Variants in TIE1 observed in about 807,000 individuals in gnomAD.
TIE1 encodes tyrosine kinase with immunoglobulin like and EGF like domains 1.
Under a neutral mutation model 130.5 loss-of-function variants are expected in TIE1, and 89 were observed. The ratio of observed to expected loss-of-function variants is 0.68; its 90% CI spans 0.57 to 0.81. The LOEUF is 0.81. Among genes scored for constraint, TIE1 ranks in the 40% least tolerant of loss-of-function variants. The probability of loss-of-function intolerance (pLI) is 0.00; values close to 1 mark genes in which losing one functional copy is unlikely to be tolerated. For synonymous variants in TIE1, 568 were observed against 629.4 expected (o/e 0.90, Z 1.46); for missense variants, 1,392 against 1,559.8 (o/e 0.89, Z 1.81).
chr1:43,321,785 C>A lies in TIE1; in HGVS notation c.3345+70C>A, dbSNP rs1646923454. 10 of 1,435,540 alleles carry A rather than the reference C, an allele frequency of 7.0e-6. No homozygotes were observed. The South Asian group carries it at 1.1e-4, about 16-fold the overall frequency. 88.9% of individuals were successfully genotyped at this position (1,435,540 alleles called of 1,614,324 possible). A position where few individuals can be genotyped will look rare whatever the true frequency, so the allele number is the denominator to read the frequency against. On this transcript the variant is annotated intron_variant, in intron 22 of 22. Transcript: ENST00000372476. The stretch of plus-strand genomic sequence containing the variant: ...CTCCAGAGTGCCCTCTCAGAGGTGC[C>A]ATGACCCCTGTCCCAACCACACTGC...
In TIE1 at chr1:43,307,152, T is replaced by A; in HGVS notation, c.651T>A (p.Ala217=). The A allele has an allele frequency of 6.2e-7, 1 of 1,614,006 alleles. No homozygotes were observed. Among genetic ancestry groups the A allele is most frequent in the African/African-American group, 1.3e-5 (1 of 75,026 alleles). ...FFRLIVRGCG[A]GRWGPGCTKE... ...GACACCTTCCTCCAGGTTGTGGGGC[T>A]GGGCGCTGGGGGCCAGGCTGTACCA... is the stretch of plus-strand genomic sequence containing the variant. Residue 217 remains alanine, a synonymous_variant, in exon 5 of 23, where the codon GCT becomes GCA. Transcript: ENST00000372476. This position sits in a 1 kb window ranked among gnomAD's most constrained non-coding sequence, Gnocchi z 5.4.
chr1:43,314,165 T>G (rs770370004), intron 14 of TIE1, 197 bp downstream of exon 14: 1 of 767,876 alleles, frequency 1.3e-6, no homozygotes. Flanking sequence ...ATTCAGCTCA[T>G]GAGCCCATTT....
intron 1 of TIE1, among the ~76,000 whole-genome samples, 193 bp from the exon 2 acceptor site, chr1:43,304,658 G>A (rs980944640): frequency 1.3e-5 from 2 of 151,748 alleles, no homozygotes; most frequent in Non-Finnish European, 2.9e-5. Flanking sequence ...GGGAAAGGAG[G>A]GGGATGGGAA....
In TIE1 at chr1:43,313,449, C is replaced by G. The variant is rs755889637; in HGVS notation, c.2218+24C>G. ...CGGTGAGAGGGCAGGGCCCACAGGA[C>G]CCCCCGGGCTCTGAGCGGGGAGAGC... On this transcript the variant is annotated intron_variant, in intron 13 of 22. Coordinates refer to ENST00000372476, the MANE Select transcript of TIE1 (RefSeq NM_005424.5). The surrounding 1 kb of genome is among the most constrained non-coding windows in gnomAD (Gnocchi z 6.2). 4 of 1,611,356 alleles carry G rather than the reference C, an allele frequency of 2.5e-6. No individual in the cohort carries two copies. The Admixed American group carries it at 6.7e-5, about 27-fold the overall frequency.
intron 21 of TIE1, 36 bp downstream of exon 21, chr1:43,321,528 C>A (rs765454502): frequency 6.3e-7 from 1 of 1,584,416 alleles, no homozygotes; most frequent in Non-Finnish European, 8.6e-7. Context: ...ATGATCCTAT[C>A]TCTGTGATGA....
chr1:43,310,915 C>T (rs2153911564), intron 9 of TIE1, among the ~76,000 whole-genome samples: 1 of 152,258 alleles, frequency 6.6e-6, no homozygotes, highest in South Asian at 2.1e-4. Flanking sequence ...TCCTTCCTTT[C>T]CTCTCAAAAA....
rs1557451655 is a variant in TIE1, at chr1:43,316,113, CGT to C, written c.2410-1080_2410-1079del. ...CATGTGCCTGCATATGGATAGGAAACGTGTGTGCACAAATGTGTGTGCTCCAT... is the reference window on the plus strand; with the variant it reads ...CATGTGCCTGCATATGGATAGGAAACGTGTGCACAAATGTGTGTGCTCCAT... On this transcript the variant is annotated intron_variant, in intron 14 of 22. Transcript: ENST00000372476. The surrounding 1 kb of genome is among the most constrained non-coding windows in gnomAD (Gnocchi z 4.4). Among the ~76,000 whole-genome samples the C allele has an allele frequency of 6.6e-6, 1 of 152,162 alleles. No individual in the cohort carries two copies. The highest frequency in any genetic ancestry group is 2.4e-5 in the African/African-American group (1 of 41,438).
Position 43,315,449 on chromosome 1 carries a change from G to A in TIE1, c.2409+1481G>A, listed in dbSNP as rs1439309030. On this transcript the variant is annotated intron_variant, in intron 14 of 22. Coordinates refer to ENST00000372476, the MANE Select transcript of TIE1 (RefSeq NM_005424.5). This position sits in a 1 kb window ranked among gnomAD's most constrained non-coding sequence, Gnocchi z 4.4. The stretch of plus-strand genomic sequence containing the variant: ...AGGCGGGTGGATCATGAGGTCAGGA[G>A]TTCAAGACCAGCCTGCCCAGTTGGT... 6.6e-6 allele frequency among the ~76,000 whole-genome samples: 1 copy of A among 152,050 alleles called. No homozygotes were observed. The highest frequency in any genetic ancestry group is 2.4e-5 in the African/African-American group (1 of 41,384).
At chr1:43,310,170 A>C (rs1646774197) in intron 9 of TIE1, among the ~76,000 whole-genome samples, 2 of 146,986 alleles carry the variant, frequency 1.4e-5, no homozygotes, top group African/African-American at 2.5e-5. Context: ...CCCCTCTCTC[A>C]CCTTCTGCTT....
At chr1:43,301,458 T>C (rs1388479229) in intron 1 of TIE1, among the ~76,000 whole-genome samples, 3 of 151,552 alleles carry the variant, frequency 2.0e-5, no homozygotes, top group African/African-American at 7.3e-5. Flanking sequence ...CCCGTCTCCA[T>C]TGTGTTTAGA....
intron 9 of TIE1, among the ~76,000 whole-genome samples, chr1:43,310,633 A>T (rs1245377905): frequency 6.6e-6 from 1 of 152,150 alleles, no homozygotes; most frequent in African/African-American, 2.4e-5. Flanking sequence ...TGGGGACTCC[A>T]TGAAGTGGGG....
At chr1:43,303,147 A>G (rs760155108) in intron 1 of TIE1, among the ~76,000 whole-genome samples, 1 of 152,208 alleles carries the variant, frequency 6.6e-6, no homozygotes, top group Non-Finnish European at 1.5e-5. Context: ...AACATTCATT[A>G]TTATGACAAT....
chr1:43,308,019 A>G (rs1191975823), intron 7 of TIE1, 95 bp downstream of exon 7: 22 of 1,533,196 alleles, frequency 1.4e-5, no homozygotes, highest in Non-Finnish European at 1.9e-5. Flanking sequence ...TCCTTTCCCT[A>G]CGAGGGTCCA....
chr1:43,314,018 G>A, intron 14 of TIE1, 50 bp downstream of exon 14: 1 of 1,586,118 alleles, frequency 6.3e-7, no homozygotes. Flanking sequence ...CCGTGTTTAT[G>A]TTTCTACCTG....
chr1:43,317,314 A>C lies in TIE1; in HGVS notation c.2525A>C (p.Glu842Ala). 1 of 1,614,144 alleles carries C rather than the reference A, an allele frequency of 6.2e-7. No individual in the cohort carries two copies. Among genetic ancestry groups the C allele is most frequent in the Non-Finnish European group, 8.5e-7 (1 of 1,180,028 alleles). ...CTAGAGTGGGAGGACATCACCTTTG[A>C]GGACCTCATCGGGGAGGGGAACTTC... is the stretch of plus-strand genomic sequence containing the variant. ...PVLEWEDITF[E>A]DLIGEGNFGQ... Residue 842 changes from glutamate to alanine, a missense_variant, in exon 15 of 23, where the codon GAG becomes GCG. Glu to Ala is a moderately radical substitution (Grantham distance 107). Around this residue, in one of 6 missense-constraint regions of TIE1, gnomAD observed 286 missense variants for 354.4 expected, o/e 0.81. Coordinates refer to ENST00000372476, the MANE Select transcript of TIE1 (RefSeq NM_005424.5). This position sits in a 1 kb window ranked among gnomAD's most constrained non-coding sequence, Gnocchi z 5.1.
chr1:43,314,751 C>G (rs1646843238), intron 14 of TIE1, among the ~76,000 whole-genome samples: 1 of 152,064 alleles, frequency 6.6e-6, no homozygotes, highest in Non-Finnish European at 1.5e-5. Flanking sequence ...TTGCTTAAAC[C>G]CGGGAGGCGG....
intron 1 of TIE1, 25 bp downstream of exon 1, chr1:43,301,154 C>A: frequency 6.2e-7 from 1 of 1,605,558 alleles, no homozygotes; most frequent in Non-Finnish European, 8.5e-7. Flanking sequence ...AGTCCCTCAC[C>A]CCATTTCTAG....
rs777667148 is a variant in TIE1 at position 43,318,045 on chromosome 1, T to A, written c.2895T>A (p.Asn965Lys). Reference protein sequence around the residue: ...QLLRFASDAANGMQYLSEKQF... With the variant: ...QLLRFASDAAKGMQYLSEKQF... ...TGCGTTTCGCCAGTGATGCGGCCAA[T>A]GGCATGCAGTACCTGAGTGAGAAGC... The change falls in exon 17 of 23, where the codon AAT becomes AAA. Residue 965 changes from asparagine (N) to lysine (K), a missense_variant. Coordinates refer to ENST00000372476, the MANE Select transcript of TIE1 (RefSeq NM_005424.5). This position sits in a 1 kb window ranked among gnomAD's most constrained non-coding sequence, Gnocchi z 4.4. The A allele has an allele frequency of 3.8e-6, 6 of 1,572,086 alleles. No homozygotes were observed. Among genetic ancestry groups the A allele is most frequent in the Non-Finnish European group, 5.2e-6 (6 of 1,158,792 alleles).
intron 3 of TIE1, among the ~76,000 whole-genome samples, chr1:43,305,557 C>T (rs866676943): frequency 6.6e-6 from 1 of 152,194 alleles, no homozygotes; most frequent in Non-Finnish European, 1.5e-5. Context: ...GGGCCAGGAG[C>T]CTGTGGTCAG....
Sources: gnomAD v4.1 joint callset for allele counts (sites outside exome capture counted in the v4.1 genomes callset) on GRCh38, gnomAD v4.1.1 for gene constraint, gnomAD v4.1.1 regional missense constraint, Gnocchi (gnomAD v3.1) non-coding constraint, MANE v1.5 for transcripts, NCBI Gene and HGNC (gene_info 2026-07-23, HGNC 2026-07-21) for gene names.